The following TOX variants were observed in gnomAD, a reference collection of about 807,000 sequenced individuals.
The protein encoded by TOX is thymocyte selection-associated high mobility group box protein TOX.
Under a neutral mutation model 53.7 loss-of-function variants are expected in TOX, and 11 were observed. That is an observed-to-expected ratio of 0.20 (90% CI 0.13 to 0.34). The LOEUF is 0.34. Among genes scored for constraint, TOX ranks in the 10% least tolerant of loss-of-function variants. TOX has a pLI of 1.00. For missense variants in TOX, 570 were observed against 664.6 expected (o/e 0.86, Z 1.56); for synonymous variants, 225 against 245.3 (o/e 0.92, Z 0.77).
chr8:59,066,422 C>T (rs376079244), intron 1 of TOX, among the ~76,000 whole-genome samples: 4 of 151,982 alleles, frequency 2.6e-5, no homozygotes, highest in East Asian at 1.9e-4. Context: ...AGATTAATAA[C>T]GTATTAAATG....
At chr8:58,823,574 C>G (rs1810316010) in intron 6 of TOX, among the ~76,000 whole-genome samples, 1 of 152,148 alleles carries the variant, frequency 6.6e-6, no homozygotes, top group African/African-American at 2.4e-5. Context: ...CATTGTCAAT[C>G]CTGTGACTCA....
intron 3 of TOX, among the ~76,000 whole-genome samples, chr8:58,874,142 C>A (rs1438509805): frequency 1.3e-5 from 2 of 151,352 alleles, no homozygotes; most frequent in African/African-American, 4.9e-5. Flanking sequence ...GCCTGGTATC[C>A]TTTCTATCAG....
chr8:58,989,970 A>T (rs762571942), intron 1 of TOX, among the ~76,000 whole-genome samples: 5 of 152,204 alleles, frequency 3.3e-5, no homozygotes, highest in Non-Finnish European at 5.9e-5. Context: ...CACTCCAGAG[A>T]CACAAAGTCC....
chr8:58,994,520 T>C (rs1377799906), intron 1 of TOX, among the ~76,000 whole-genome samples: 1 of 152,080 alleles, frequency 6.6e-6, no homozygotes, highest in Non-Finnish European at 1.5e-5. Flanking sequence ...AGTTCTACTG[T>C]CCAGAATGCT....
chr8:59,090,420 C>A (rs1432505402), intron 1 of TOX, among the ~76,000 whole-genome samples: 2 of 152,148 alleles, frequency 1.3e-5, no homozygotes, highest in East Asian at 3.8e-4. Context: ...AAGAGGCGGA[C>A]ACGGTGTGTG....
intron 3 of TOX, among the ~76,000 whole-genome samples, chr8:58,891,793 G>T (rs1811565077): frequency 1.3e-5 from 2 of 152,176 alleles, no homozygotes; most frequent in Non-Finnish European, 2.9e-5. Context: ...GCTTTCTCAT[G>T]TGAGATTCAT....
chr8:58,949,609 TA>T (rs1368096475), intron 2 of TOX, among the ~76,000 whole-genome samples: 1 of 152,150 alleles, frequency 6.6e-6, no homozygotes, highest in African/African-American at 2.4e-5. Context: ...CAAAAAAAAT[TA>T]AATAGATATT....
At chr8:58,815,828 A>G in intron 6 of TOX, 104 bp from the exon 7 acceptor site, 1 of 1,275,162 alleles carries the variant, frequency 7.8e-7, no homozygotes, top group South Asian at 1.5e-5. Context: ...TGGAATCCAT[A>G]CCCATGACTA....
chr8:59,097,313 T>C (rs529548604), intron 1 of TOX, among the ~76,000 whole-genome samples: 13 of 152,172 alleles, frequency 8.5e-5, no homozygotes, highest in African/African-American at 1.9e-4. Context: ...TTGGAGTTTA[T>C]AGACAGTGTG....
Position 58,989,172 on chromosome 8 carries a change from C to T in TOX, c.103-29164G>A, listed in dbSNP as rs1189122544. Among the ~76,000 whole-genome samples, 4 of 151,904 alleles carry T rather than the reference C, an allele frequency of 2.6e-5. No individual in the cohort carries two copies. In the East Asian group the frequency reaches 5.8e-4, roughly 22 times the overall value. On this transcript the variant is annotated intron_variant, in intron 1 of 8. Transcript: ENST00000361421. The stretch of plus-strand genomic sequence containing the variant: ...TTCTACTACAAACACAAAAATCAGC[C>T]GGGTGTGGTGGCATGCACCTGTAAT...
intron 3 of TOX, among the ~76,000 whole-genome samples, chr8:58,870,309 C>T (rs1008430106): frequency 5.9e-5 from 9 of 151,938 alleles, no homozygotes; most frequent in Non-Finnish European, 2.9e-5. Context: ...CAACAGCACT[C>T]CAAAAATGAA....
intron 3 of TOX, among the ~76,000 whole-genome samples, chr8:58,911,922 G>A (rs938125705): frequency 2.6e-5 from 4 of 152,076 alleles, no homozygotes; most frequent in South Asian, 2.1e-4. Context: ...GGCTGGTCTC[G>A]AACTCCTAAC....
rs528864394 is a variant in TOX, at chr8:58,952,760, A to G, written c.168+7183T>C. ...ACATTTCCCTAATACTTGACAAAACATACTATTTGACATTTATTCTAAAAT... is the reference window on the plus strand; with the variant it reads ...ACATTTCCCTAATACTTGACAAAACGTACTATTTGACATTTATTCTAAAAT... On this transcript the variant is annotated intron_variant, in intron 2 of 8. Coordinates refer to ENST00000361421, the MANE Select transcript of TOX (RefSeq NM_014729.3). Among the ~76,000 whole-genome samples, 59 of 152,340 alleles carry G rather than the reference A, an allele frequency of 3.9e-4. 1 individual carries two copies. Among genetic ancestry groups the G allele is most frequent in the Admixed American group, 9.8e-4 (15 of 15,290 alleles).
At chr8:58,816,145 T>A (rs1484509573) in intron 6 of TOX, among the ~76,000 whole-genome samples, 4 of 152,176 alleles carry the variant, frequency 2.6e-5, no homozygotes, top group African/African-American at 7.2e-5. Context: ...GTTTTTAATT[T>A]TTCCTTTTTT....
chr8:58,822,290 T>C (rs1007489495), intron 6 of TOX, among the ~76,000 whole-genome samples: 3 of 152,248 alleles, frequency 2.0e-5, no homozygotes, highest in Admixed American at 6.5e-5. Context: ...CTGGGTTTCA[T>C]AATCTTGAAT....
At chr8:58,968,262 A>G (rs1367638467) in intron 1 of TOX, among the ~76,000 whole-genome samples, 1 of 152,230 alleles carries the variant, frequency 6.6e-6, no homozygotes, top group Non-Finnish European at 1.5e-5. Context: ...GAAGATATGG[A>G]TTTTACAAAA....
In TOX at chr8:59,118,918, A is replaced by C; in HGVS notation, c.70T>G (p.Ser24Ala). Reference sequence around the variant, plus strand: ...CAATAGTAGGGGTCCAGGCAGGGAGAAGGTCCCAGACAGGGAGCGTCGGGC... The same window carrying C: ...CAATAGTAGGGGTCCAGGCAGGGAGCAGGTCCCAGACAGGGAGCGTCGGGC... ...AAPDAPCLGPSPCLDPYYCNK... is the reference protein window; with the variant it reads ...AAPDAPCLGPAPCLDPYYCNK... The change falls in exon 1 of 9, where the codon TCT becomes GCT. Residue 24 changes from serine (S) to alanine (A), a missense_variant. By Grantham distance (99) the Ser-to-Ala change is moderately conservative. Around this residue, in one of 3 missense-constraint regions of TOX, gnomAD observed 282 missense variants for 315.0 expected, o/e 0.90. Transcript: ENST00000361421. This position sits in a 1 kb window ranked among gnomAD's most constrained non-coding sequence, Gnocchi z 4.1. The C allele has an allele frequency of 1.3e-6, 2 of 1,598,140 alleles. No individual in the cohort carries two copies. The highest frequency in any genetic ancestry group is 1.4e-5 in the African/African-American group (1 of 73,168).
In TOX at chr8:59,023,156, A is replaced by G. The variant is rs757092996; in HGVS notation, c.103-63148T>C. On this transcript the variant is annotated intron_variant, in intron 1 of 8. Coordinates refer to ENST00000361421, the MANE Select transcript of TOX (RefSeq NM_014729.3). ...CTCGCTGAGAAACTGAAGGTTTATAAGAAGACTTTTGAGCCTATAGCTTAG... is the reference window on the plus strand; with the variant it reads ...CTCGCTGAGAAACTGAAGGTTTATAGGAAGACTTTTGAGCCTATAGCTTAG... 1.6e-4 allele frequency among the ~76,000 whole-genome samples: 25 copies of G among 152,202 alleles called. 1 individual carries two copies. The highest frequency in any genetic ancestry group is 3.4e-4 in the Non-Finnish European group (23 of 68,034).
chr8:58,836,259 G>T (rs1260942598), intron 5 of TOX, among the ~76,000 whole-genome samples: 2 of 152,306 alleles, frequency 1.3e-5, no homozygotes, highest in South Asian at 4.2e-4. Context: ...GCTCTGCTGA[G>T]TGGAGAAGTC....
Sources: gnomAD v4.1 joint callset for allele counts (sites outside exome capture counted in the v4.1 genomes callset) on GRCh38, gnomAD v4.1.1 for gene constraint, gnomAD v4.1.1 regional missense constraint, Gnocchi (gnomAD v3.1) non-coding constraint, MANE v1.5 for transcripts, NCBI Gene and HGNC (gene_info 2026-07-23, HGNC 2026-07-21) for gene names.